Variants in SNPH observed in about 807,000 individuals in gnomAD.
The protein encoded by SNPH is syntaphilin.
Under a neutral mutation model 36.8 loss-of-function variants are expected in SNPH, and 10 were observed. That is an observed-to-expected ratio of 0.27 (90% CI 0.17 to 0.46). The LOEUF is 0.46. Ranked by LOEUF, SNPH falls within the 20% of genes least tolerant of loss-of-function variation. The pLI is 1.00. For missense variants in SNPH, 622 were observed against 744.0 expected (o/e 0.84, Z 1.91); for synonymous variants, 281 against 312.2 (o/e 0.90, Z 1.05).
rs116427565 is a variant in SNPH, at chr20:1,296,473, G to T, written c.182+52G>T. On this transcript the variant is annotated intron_variant, in intron 4 of 6. Transcript: ENST00000381867. ...AGGCTTCGGAGGGCGGGAGGAGGGC[G>T]CACGGGCCTCTCTCTACCTGCCACC... The T allele has an allele frequency of 4.4e-5, 65 of 1,489,916 alleles. 1 individual carries two copies. Among genetic ancestry groups the T allele is most frequent in the Non-Finnish European group, 3.6e-5 (40 of 1,100,028 alleles). The allele number at this position is 1,489,916 out of a possible 1,614,324, so 92.3% of individuals were successfully genotyped here.
In SNPH at chr20:1,306,963, G is replaced by A. The variant is rs892560880; in HGVS notation, c.*909G>A. ...GGTGAGGCCATCTCATCTGCAGGCT[G>A]GGAGGCAGGGCTGGACTCAGGAACC... On this transcript the variant is annotated 3_prime_UTR_variant, in exon 7 of 7. Coordinates refer to ENST00000381867, the MANE Select transcript of SNPH (RefSeq NM_001318234.2). The A allele has an allele frequency of 1.5e-4, 23 of 152,448 alleles. No homozygotes were observed. The highest frequency in any genetic ancestry group is 5.5e-4 in the African/African-American group (23 of 41,450). The allele number at this position is 152,448 out of a possible 1,614,324, so 9.4% of individuals were successfully genotyped here.
intron 2 of SNPH, among the ~76,000 whole-genome samples, chr20:1,284,298 C>T (rs2088259820): frequency 6.6e-6 from 1 of 152,186 alleles, no homozygotes; most frequent in African/African-American, 2.4e-5. Context: ...AAGAGGCCTA[C>T]ACTTACTTGG....
At chr20:1,293,236 T>C (rs2088386125) in intron 2 of SNPH, among the ~76,000 whole-genome samples, 2 of 152,262 alleles carry the variant, frequency 1.3e-5, no homozygotes, top group East Asian at 1.9e-4. Flanking sequence ...ACCCCCATTG[T>C]CGGGGGGGTT....
intron 2 of SNPH, among the ~76,000 whole-genome samples, chr20:1,268,066 C>G (rs1284248640): frequency 6.6e-6 from 1 of 152,184 alleles, no homozygotes; most frequent in African/African-American, 2.4e-5. Flanking sequence ...CTCCCCATCC[C>G]CTGCCTGTCT....
Position 1,296,168 on chromosome 20 carries a change from C to T in SNPH, c.-72C>T. 7.5e-7 allele frequency: 1 copy of T among 1,335,544 alleles called. No homozygotes were observed. The highest frequency in any genetic ancestry group is 1.0e-6 in the Non-Finnish European group (1 of 1,003,124). 82.7% of individuals were successfully genotyped at this position (1,335,544 alleles called of 1,614,324 possible). A position where few individuals can be genotyped will look rare whatever the true frequency, so the allele number is the denominator to read the frequency against. ...CTGTGCACCAGCCCTATTCAATTCA[C>T]TGGTGGAGGCAGCCGTGGTCTGCCA... On this transcript the variant is annotated 5_prime_UTR_variant, in exon 4 of 7. Transcript: ENST00000381867.
At chr20:1,281,058 T>C (rs991142763) in intron 2 of SNPH, among the ~76,000 whole-genome samples, 1 of 151,966 alleles carries the variant, frequency 6.6e-6, no homozygotes, top group Non-Finnish European at 1.5e-5. Context: ...CTGAATAAGG[T>C]TCTATTATTG....
intron 2 of SNPH, among the ~76,000 whole-genome samples, chr20:1,282,248 A>G (rs2088234208): frequency 6.6e-6 from 1 of 152,236 alleles, no homozygotes; most frequent in Non-Finnish European, 1.5e-5. Context: ...AATAATTCTA[A>G]ATATAGGAAA....
At chr20:1,300,797 G>A in intron 6 of SNPH, 86 bp downstream of exon 6, 2 of 1,362,836 alleles carry the variant, frequency 1.5e-6, no homozygotes, top group East Asian at 5.0e-5. Flanking sequence ...CCTCTTGGAG[G>A]GAGGAGTGGC....
rs187514023 is a variant in SNPH, at chr20:1,305,949, G to C, written c.1512G>C (p.Leu504=). The change falls in exon 7 of 7, where the codon CTG becomes CTC. Residue 504 remains leucine (L), a synonymous_variant. Transcript: ENST00000381867. ...QGQPIYNISS[L]LRGCCTVALH... ...AGCCCATCTACAACATCAGCTCCCT[G>C]CTGCGGGGCTGCTGCACTGTGGCCT... 1,494 of 1,572,194 alleles carry C rather than the reference G, an allele frequency of 9.5e-4. 12 individuals are homozygous for C. The East Asian group carries it at 0.011, about 12-fold the overall frequency.
In SNPH at chr20:1,303,765, G is replaced by A. The variant is rs138746370; in HGVS notation, c.441-1113G>A. Among the ~76,000 whole-genome samples the A allele has an allele frequency of 2.6e-5, 4 of 152,290 alleles. No individual in the cohort carries two copies. In the East Asian group the frequency reaches 7.7e-4, roughly 29 times the overall value. ...TTGAAAAGTATATGGTGCTTGATCT[G>A]GGACGGTCATTCTGCTGGGCTGATG... On this transcript the variant is annotated intron_variant, in intron 6 of 6. Coordinates refer to ENST00000381867, the MANE Select transcript of SNPH (RefSeq NM_001318234.2).
intron 2 of SNPH, among the ~76,000 whole-genome samples, chr20:1,291,029 G>T (rs922657930): frequency 3.3e-5 from 5 of 152,236 alleles, no homozygotes; most frequent in African/African-American, 1.2e-4. Context: ...CAGGTGAAAT[G>T]GGGGAGGAGG....
At chr20:1,277,385 G>C (rs2088144343) in intron 2 of SNPH, among the ~76,000 whole-genome samples, 1 of 152,038 alleles carries the variant, frequency 6.6e-6, no homozygotes, top group Admixed American at 6.6e-5. Context: ...GTGTCTGTGT[G>C]TGTCTGTGTC....
intron 2 of SNPH, among the ~76,000 whole-genome samples, chr20:1,284,418 C>T (rs1336712842): frequency 6.6e-6 from 1 of 152,166 alleles, no homozygotes; most frequent in Non-Finnish European, 1.5e-5. Flanking sequence ...CTAAATAAAG[C>T]ATAAAATGGG....
Position 1,266,470 on chromosome 20 carries a change from GC to G in SNPH, c.-600+75del. The G allele has an allele frequency of 1.2e-6, 1 of 840,938 alleles. No homozygotes were observed. Among genetic ancestry groups the G allele is most frequent in the Non-Finnish European group, 1.7e-6 (1 of 595,974 alleles). 52.1% of individuals were successfully genotyped at this position (840,938 alleles called of 1,614,324 possible). On this transcript the variant is annotated intron_variant, in intron 1 of 6. Coordinates refer to ENST00000381867, the MANE Select transcript of SNPH (RefSeq NM_001318234.2). This position sits in a 1 kb window ranked among gnomAD's most constrained non-coding sequence, Gnocchi z 6.0. ...CCCGCCGCAGTCCAGAGTGCCGAGT[GC>G]CAGGGGGTGGGGTGGGGGCCGCGGG...
chr20:1,305,681 A>G lies in SNPH; in HGVS notation c.1244A>G (p.Asp415Gly). 6.2e-7 allele frequency: 1 copy of G among 1,611,582 alleles called. No individual in the cohort carries two copies. The highest frequency in any genetic ancestry group is 8.5e-7 in the Non-Finnish European group (1 of 1,179,034). The change falls in exon 7 of 7, where the codon GAT becomes GGT. Residue 415 changes from aspartate to glycine, a missense_variant. Asp to Gly is a moderately conservative substitution (Grantham distance 94). This residue lies in a region of SNPH where 379 missense variants were observed against 427.9 expected (regional missense o/e 0.89). Coordinates refer to ENST00000381867, the MANE Select transcript of SNPH (RefSeq NM_001318234.2). ...TCAGCAGTGGTGGTGACAGTGGGTG[A>G]TGAGCTAGAGGCCCCAGAGCCCATC... ...PNSAVVVTVG[D>G]ELEAPEPITR...
In SNPH at chr20:1,301,116, T is replaced by A. The variant is rs541720236; in HGVS notation, c.440+405T>A. ...TTGGGGGAGAAACAACTCTTTATCC[T>A]TCCTCGCTTCCTCCTGAGTGAGTCA... On this transcript the variant is annotated intron_variant, in intron 6 of 6. Transcript: ENST00000381867. 8.5e-5 allele frequency among the ~76,000 whole-genome samples: 13 copies of A among 152,308 alleles called. No individual in the cohort carries two copies. In the East Asian group the frequency reaches 2.5e-3, roughly 29 times the overall value.
intron 2 of SNPH, among the ~76,000 whole-genome samples, chr20:1,269,326 C>T (rs2088045459): frequency 6.6e-6 from 1 of 152,152 alleles, no homozygotes; most frequent in African/African-American, 2.4e-5. Context: ...CTATGATTAC[C>T]CTCAACGTCA....
rs1480839231 is a variant in SNPH at position 1,285,053 on chromosome 20, G to A, written c.-492-9898G>A. ...CAGATTCTGTGACTGTGTCGCCTCAGTTTCCTTATCTGTAAAATGCATACA... is the reference window on the plus strand; with the variant it reads ...CAGATTCTGTGACTGTGTCGCCTCAATTTCCTTATCTGTAAAATGCATACA... On this transcript the variant is annotated intron_variant, in intron 2 of 6. Transcript: ENST00000381867. The surrounding 1 kb of genome is among the most constrained non-coding windows in gnomAD (Gnocchi z 4.9). 6.6e-6 allele frequency among the ~76,000 whole-genome samples: 1 copy of A among 152,188 alleles called. No individual in the cohort carries two copies. Among genetic ancestry groups the A allele is most frequent in the Non-Finnish European group, 1.5e-5 (1 of 68,038 alleles).
intron 2 of SNPH, among the ~76,000 whole-genome samples, chr20:1,288,944 C>T (rs6033330): frequency 0.81 from 123,266 of 152,068 alleles, 50,537 homozygotes; most frequent in African/African-American, 0.87. Context: ...TTAAACGACT[C>T]TCTGTAGTAT....
Sources: gnomAD v4.1 joint callset for allele counts (sites outside exome capture counted in the v4.1 genomes callset) on GRCh38, gnomAD v4.1.1 for gene constraint, gnomAD v4.1.1 regional missense constraint, Gnocchi (gnomAD v3.1) non-coding constraint, MANE v1.5 for transcripts, NCBI Gene and HGNC (gene_info 2026-07-23, HGNC 2026-07-21) for gene names.